The following JAKMIP2 variants were observed in gnomAD, a reference collection of about 807,000 sequenced individuals.
JAKMIP2 encodes the protein janus kinase and microtubule-interacting protein 2.
In JAKMIP2, 25 loss-of-function variants were observed where a neutral mutation model predicts 115.0. That is an observed-to-expected ratio of 0.22 (90% CI 0.16 to 0.30). JAKMIP2 has a LOEUF of 0.30. Among genes scored for constraint, JAKMIP2 ranks in the 10% least tolerant of loss-of-function variants. The pLI, the probability that JAKMIP2 is intolerant of heterozygous loss-of-function variation, is 1.00. For synonymous variants in JAKMIP2, 334 were observed against 343.6 expected (o/e 0.97, Z 0.31); for missense variants, 642 against 957.6 (o/e 0.67, Z 4.35).
intron 21 of JAKMIP2, among the ~76,000 whole-genome samples, chr5:147,593,288 C>G (rs945054298): frequency 7.9e-5 from 12 of 152,226 alleles, no homozygotes; most frequent in African/African-American, 2.9e-4. Flanking sequence ...GGGAATAGGG[C>G]AGTGGGCATC....
intron 1 of JAKMIP2, among the ~76,000 whole-genome samples, chr5:147,764,290 T>C (rs1755031603): frequency 6.6e-6 from 1 of 151,944 alleles, no homozygotes; most frequent in Admixed American, 6.6e-5. Flanking sequence ...TGAGAACATG[T>C]GAAACAAGGA....
rs1337228902 is a variant in JAKMIP2 at position 147,612,357 on chromosome 5, T to C, written c.2361A>G (p.Leu787=). ...TTTTCTGGATGTCTGTTTTATCTTC[T>C]AAGTCACGAATTCTCTGAAGAAAGA... The part of the protein sequence containing the change: ...LQQAHQRIRD[L]EDKTDIQKRQ... Residue 787 remains leucine, a synonymous_variant, in exon 20 of 22, where the codon TTA becomes TTG. Coordinates refer to ENST00000616793, the MANE Select transcript of JAKMIP2 (RefSeq NM_001270941.2). The C allele has an allele frequency of 6.4e-7, 1 of 1,563,416 alleles. No individual in the cohort carries two copies. Among genetic ancestry groups the C allele is most frequent in the East Asian group, 2.2e-5 (1 of 44,582 alleles).
chr5:147,754,490 T>TGGTG (rs1754674638), intron 1 of JAKMIP2, among the ~76,000 whole-genome samples: 1 of 152,148 alleles, frequency 6.6e-6, no homozygotes, highest in South Asian at 2.1e-4. Flanking sequence ...AATGAGGACA[T>TGGTG]GGTGGCAGAG....
intron 1 of JAKMIP2, among the ~76,000 whole-genome samples, chr5:147,770,258 T>G (rs939568080): frequency 1.3e-5 from 2 of 152,140 alleles, no homozygotes; most frequent in African/African-American, 4.8e-5. Flanking sequence ...ATCATATATA[T>G]GTGATCCATA....
chr5:147,618,752 A>C (rs935945652), intron 18 of JAKMIP2, among the ~76,000 whole-genome samples: 1 of 152,130 alleles, frequency 6.6e-6, no homozygotes, highest in Non-Finnish European at 1.5e-5. Context: ...CAACAGCAAC[A>C]AAAAACAAAC....
rs571459901 is a variant in JAKMIP2 at position 147,736,354 on chromosome 5, G to C, written c.-149+46102C>G. 5.3e-5 allele frequency among the ~76,000 whole-genome samples: 8 copies of C among 152,088 alleles called. No individual in the cohort carries two copies. In the South Asian group the frequency reaches 1.7e-3, roughly 32 times the overall value. On this transcript the variant is annotated intron_variant, in intron 1 of 21. Coordinates refer to ENST00000616793, the MANE Select transcript of JAKMIP2 (RefSeq NM_001270941.2). ...CACACATCTGTAGTCCCAGCTACTTGAGAGGCTGAGGTAAAACTGCTTGAA... is the reference window on the plus strand; with the variant it reads ...CACACATCTGTAGTCCCAGCTACTTCAGAGGCTGAGGTAAAACTGCTTGAA...
At chr5:147,719,799 T>C (rs1276158628) in intron 1 of JAKMIP2, among the ~76,000 whole-genome samples, 4 of 152,046 alleles carry the variant, frequency 2.6e-5, no homozygotes, top group African/African-American at 9.7e-5. Flanking sequence ...TGACTCTTTA[T>C]CCAATTTGCC....
At chr5:147,614,034 T>C (rs1392502779) in intron 19 of JAKMIP2, among the ~76,000 whole-genome samples, 1 of 152,234 alleles carries the variant, frequency 6.6e-6, no homozygotes, top group Non-Finnish European at 1.5e-5. Context: ...ACCTTGAGTG[T>C]TCACGTAATT....
rs149403256 is a variant in JAKMIP2, at chr5:147,625,627, TAA to T, written c.1996-1940_1996-1939del. Reference sequence around the variant, plus strand: ...TCATGTTTTTAAGAGTACTGTGAACTAAAGTCATTATATCATGAGCATTAGAT... The same window carrying T: ...TCATGTTTTTAAGAGTACTGTGAACTAGTCATTATATCATGAGCATTAGAT... On this transcript the variant is annotated intron_variant, in intron 16 of 21. Coordinates refer to ENST00000616793, the MANE Select transcript of JAKMIP2 (RefSeq NM_001270941.2). Among the ~76,000 whole-genome samples the T allele has an allele frequency of 6.4e-3, 981 of 152,338 alleles. 52 individuals carry two copies. In the East Asian group the frequency reaches 0.13, roughly 20 times the overall value.
intron 1 of JAKMIP2, among the ~76,000 whole-genome samples, chr5:147,706,284 T>C (rs1315918028): frequency 6.6e-6 from 1 of 152,156 alleles, no homozygotes; most frequent in Non-Finnish European, 1.5e-5. Flanking sequence ...GTTTTTTCCA[T>C]CTTCCCCAAG....
At chr5:147,620,068 T>G (rs2126651241) in intron 18 of JAKMIP2, among the ~76,000 whole-genome samples, 1 of 152,290 alleles carries the variant, frequency 6.6e-6, no homozygotes, top group Non-Finnish European at 1.5e-5. Context: ...TCATTTAATA[T>G]TATCCAACAA....
At chr5:147,637,856 G>A (rs1163298032) in intron 10 of JAKMIP2, among the ~76,000 whole-genome samples, 1 of 152,026 alleles carries the variant, frequency 6.6e-6, no homozygotes, top group Admixed American at 6.6e-5. Context: ...GAGCAACTTT[G>A]TTGTCCTATG....
intron 20 of JAKMIP2, among the ~76,000 whole-genome samples, chr5:147,606,780 C>A (rs1171146804): frequency 6.6e-6 from 1 of 152,138 alleles, no homozygotes; most frequent in Non-Finnish European, 1.5e-5. Flanking sequence ...GGCAGTATGG[C>A]CATTTTCATG....
chr5:147,739,388 T>G (rs2126990209), intron 1 of JAKMIP2, among the ~76,000 whole-genome samples: 1 of 152,214 alleles, frequency 6.6e-6, no homozygotes, highest in Middle Eastern at 3.4e-3. Flanking sequence ...GTGTTTTAAC[T>G]TATGCCCAGA....
intron 1 of JAKMIP2, among the ~76,000 whole-genome samples, chr5:147,732,420 G>A (rs1459285205): frequency 1.3e-5 from 2 of 152,094 alleles, no homozygotes; most frequent in Non-Finnish European, 1.5e-5. Context: ...TTCACCATGC[G>A]TTTGTGGAGC....
At chr5:147,643,366 A>G (rs1757972738) in intron 7 of JAKMIP2, among the ~76,000 whole-genome samples, 1 of 152,134 alleles carries the variant, frequency 6.6e-6, no homozygotes, top group Non-Finnish European at 1.5e-5. Context: ...TTGCAATTCA[A>G]GTCTTTAGGC....
At chr5:147,745,336 AACCTTTGAGTTT>A (rs1754314163) in intron 1 of JAKMIP2, among the ~76,000 whole-genome samples, 1 of 152,206 alleles carries the variant, frequency 6.6e-6, no homozygotes, top group African/African-American at 2.4e-5. Flanking sequence ...TAGGTTTCCA[AACCTTTGAGTTT>A]TGTTGGATTC....
intron 1 of JAKMIP2, among the ~76,000 whole-genome samples, chr5:147,718,768 A>G (rs1470282787): frequency 1.3e-5 from 2 of 152,044 alleles, no homozygotes; most frequent in African/African-American, 4.8e-5. Context: ...CTAGCAGTCT[A>G]TCAATTTTGT....
At chr5:147,730,128 A>G (rs1237088155) in intron 1 of JAKMIP2, among the ~76,000 whole-genome samples, 1 of 152,168 alleles carries the variant, frequency 6.6e-6, no homozygotes, top group Non-Finnish European at 1.5e-5. Context: ...AGTCTGGCAC[A>G]CTCGGTGATT....
Sources: gnomAD v4.1 joint callset for allele counts (sites outside exome capture counted in the v4.1 genomes callset) on GRCh38, gnomAD v4.1.1 for gene constraint, MANE v1.5 for transcripts, NCBI Gene and HGNC (gene_info 2026-07-23, HGNC 2026-07-21) for gene names.